ZNF292: variants seen among roughly 807,000 people sequenced by gnomAD.
The protein encoded by ZNF292 is zinc finger protein 292, also known as 16 zinc-finger domain protein.
ZNF292 carries 26 observed loss-of-function variants against 217.9 expected under a neutral mutation model. The observed-to-expected ratio is 0.12, with a 90% CI of 0.09 to 0.17. ZNF292 has a LOEUF of 0.17. Ranked by LOEUF, ZNF292 falls within the 10% of genes least tolerant of loss-of-function variation. The pLI, the probability that ZNF292 is intolerant of heterozygous loss-of-function variation, is 1.00. For missense variants in ZNF292, 2,904 were observed against 3,175.2 expected (o/e 0.91, Z 2.05); for synonymous variants, 1,257 against 1,124.1 (o/e 1.12, Z -2.37).
chr6:87,195,562 T>A (rs1283127736), intron 1 of ZNF292, among the ~76,000 whole-genome samples: 3 of 152,190 alleles, frequency 2.0e-5, no homozygotes, highest in Non-Finnish European at 4.4e-5. Flanking sequence ...TTTTAATACT[T>A]TATCTGTTGG....
At chr6:87,174,298 A>ATTAATTT (rs1771207363) in intron 1 of ZNF292, 1 of 152,396 alleles carries the variant, frequency 6.6e-6, no homozygotes, top group East Asian at 1.9e-4. Context: ...GATTTGTCCA[A>ATTAATTT]GAACATTAAT....
In ZNF292 at chr6:87,253,220, C is replaced by CTTTTT. The variant is rs66511840; in HGVS notation, c.1021-1412_1021-1408dup. ...TAAACCATGAGCCACCATGCCCAGC[C>CTTTTT]TTTTTTTTTTTTTTTTTTTTTTGAG... On this transcript the variant is annotated intron_variant, in intron 7 of 7. Transcript: ENST00000369577. 8.7e-3 allele frequency among the ~76,000 whole-genome samples: 1,028 copies of CTTTTT among 118,804 alleles called. 15 individuals carry two copies. The highest frequency in any genetic ancestry group is 0.016 in the African/African-American group (465 of 29,366). 77.9% of individuals were successfully genotyped at this position (118,804 alleles called of 152,430 possible).
intron 5 of ZNF292, among the ~76,000 whole-genome samples, chr6:87,234,476 T>C (rs1773801901): frequency 6.6e-6 from 1 of 151,964 alleles, no homozygotes; most frequent in African/African-American, 2.4e-5. Context: ...GGAGAATCGT[T>C]TGAACCTGGG....
chr6:87,165,315 C>A (rs561855387), intron 1 of ZNF292, among the ~76,000 whole-genome samples: 5 of 151,998 alleles, frequency 3.3e-5, no homozygotes, highest in African/African-American at 1.2e-4. Flanking sequence ...GAGAGTAAGT[C>A]TGTAGATCTC....
chr6:87,243,112 A>G (rs1197574560), intron 5 of ZNF292, among the ~76,000 whole-genome samples: 1 of 151,580 alleles, frequency 6.6e-6, no homozygotes, highest in African/African-American at 2.4e-5. Flanking sequence ...AAATAAAAGT[A>G]CTGCATTTTT....
chr6:87,243,014 C>G (rs970655541), intron 5 of ZNF292, among the ~76,000 whole-genome samples: 1 of 151,922 alleles, frequency 6.6e-6, no homozygotes, highest in Non-Finnish European at 1.5e-5. Context: ...TGAATAGATA[C>G]GTAGTTTATT....
chr6:87,160,671 A>G (rs1323393003), intron 1 of ZNF292, among the ~76,000 whole-genome samples: 1 of 110,800 alleles, frequency 9.0e-6, no homozygotes, highest in Non-Finnish European at 1.7e-5. Flanking sequence ...ATACATATAT[A>G]TGATGTGTGT....
In ZNF292 at chr6:87,256,409, C is replaced by G. The variant is rs1562183339; in HGVS notation, c.2780C>G (p.Thr927Ser). Residue 927 changes from threonine (T) to serine (S), a missense_variant, in exon 8 of 8, where the codon ACT becomes AGT. Thr to Ser is a moderately conservative substitution (Grantham distance 58). Around this residue, in one of 15 missense-constraint regions of ZNF292, gnomAD observed 687 missense variants for 623.0 expected, o/e 1.10. Transcript: ENST00000369577. The part of the protein sequence containing the change: ...LSNGLENPAT[T>S]PLLQSSEVAV... ...AATGGTTTGGAAAACCCTGCTACTA[C>G]TCCTCTACTTCAATCCAGTGAAGTA... 2.5e-6 allele frequency: 4 copies of G among 1,607,376 alleles called. No homozygotes were observed. In the Admixed American group the frequency reaches 6.7e-5, roughly 27 times the overall value.
At chr6:87,249,717 T>C (rs1774804240) in intron 7 of ZNF292, among the ~76,000 whole-genome samples, 1 of 152,134 alleles carries the variant, frequency 6.6e-6, no homozygotes, top group African/African-American at 2.4e-5. Context: ...GTAACCTTTT[T>C]TTTTCTTTTT....
At chr6:87,170,621 T>C (rs1433278107) in intron 1 of ZNF292, among the ~76,000 whole-genome samples, 1 of 152,210 alleles carries the variant, frequency 6.6e-6, no homozygotes, top group East Asian at 1.9e-4. Context: ...TTACCTATAA[T>C]TGAATGAAAA....
intron 1 of ZNF292, among the ~76,000 whole-genome samples, chr6:87,165,333 G>C (rs1770879384): frequency 6.6e-6 from 1 of 152,080 alleles, no homozygotes; most frequent in Non-Finnish European, 1.5e-5. Context: ...CTCAGTTAGA[G>C]TTACAAGTTA....
At chr6:87,253,947 A>G (rs1438702349) in intron 7 of ZNF292, among the ~76,000 whole-genome samples, 4 of 152,202 alleles carry the variant, frequency 2.6e-5, no homozygotes, top group African/African-American at 9.6e-5. Context: ...TCTAATAATA[A>G]TAGTTCAAGA....
chr6:87,199,304 C>T (rs1173012216), intron 1 of ZNF292, among the ~76,000 whole-genome samples: 1 of 152,090 alleles, frequency 6.6e-6, no homozygotes, highest in Admixed American at 6.5e-5. Context: ...GGTGAACTGT[C>T]CATTTAAATC....
chr6:87,184,609 T>A (rs1048725172), intron 1 of ZNF292, among the ~76,000 whole-genome samples: 9 of 151,846 alleles, frequency 5.9e-5, no homozygotes, highest in African/African-American at 2.2e-4. Context: ...ACCAATAGGA[T>A]ATGTATATAG....
intron 7 of ZNF292, among the ~76,000 whole-genome samples, chr6:87,246,679 A>C (rs1267787885): frequency 1.3e-5 from 2 of 152,242 alleles, no homozygotes; most frequent in Non-Finnish European, 2.9e-5. Context: ...AGCCTGGCCA[A>C]CATGATGAAA....
chr6:87,178,108 A>G (rs571095820), intron 1 of ZNF292, among the ~76,000 whole-genome samples: 1 of 152,188 alleles, frequency 6.6e-6, no homozygotes, highest in East Asian at 1.9e-4. Flanking sequence ...AGGCTATTCA[A>G]ATTCTACATT....
chr6:87,233,288 C>G (rs1467005571), intron 4 of ZNF292, 37 bp from the exon 5 acceptor site: 35 of 1,432,588 alleles, frequency 2.4e-5, no homozygotes, highest in Non-Finnish European at 3.1e-5. Flanking sequence ...GAATTATTAC[C>G]AAATGTTAAT....
At chr6:87,174,350 A>G (rs1355875461) in intron 1 of ZNF292, 2 of 150,506 alleles carry the variant, frequency 1.3e-5, no homozygotes, top group Non-Finnish European at 2.9e-5. Flanking sequence ...TGTCATCTAG[A>G]TAGTGGTTTT....
intron 1 of ZNF292, among the ~76,000 whole-genome samples, chr6:87,209,207 GT>G (rs1772379482): frequency 6.6e-6 from 1 of 150,640 alleles, no homozygotes; most frequent in Non-Finnish European, 1.5e-5. Context: ...TGTTCTTGTT[GT>G]TGTTTTTACC....
Sources: gnomAD v4.1 joint callset for allele counts (sites outside exome capture counted in the v4.1 genomes callset) on GRCh38, gnomAD v4.1.1 for gene constraint, gnomAD v4.1.1 regional missense constraint, MANE v1.5 for transcripts, NCBI Gene and HGNC (gene_info 2026-07-23, HGNC 2026-07-21) for gene names.